TGS1: variants seen among roughly 807,000 people sequenced by gnomAD.
TGS1 encodes trimethylguanosine synthase 1, also known as trimethylguanosine synthase.
In TGS1, 69 loss-of-function variants were observed where a neutral mutation model predicts 92.2. That is an observed-to-expected ratio of 0.75 (90% CI 0.62 to 0.91). The LOEUF is 0.91. Ranked by LOEUF, TGS1 falls within the 40% of genes least tolerant of loss-of-function variation. The pLI, the probability that TGS1 is intolerant of heterozygous loss-of-function variation, is 0.00. For missense variants in TGS1, 1,062 were observed against 1,001.2 expected (o/e 1.06, Z -0.82); for synonymous variants, 345 against 338.1 (o/e 1.02, Z -0.22).
rs1381876198 is a variant in TGS1 at position 55,786,722 on chromosome 8, C to G, written c.824C>G (p.Ser275Cys). 1 of 1,614,098 alleles carries G rather than the reference C, an allele frequency of 6.2e-7. No individual in the cohort carries two copies. The change falls in exon 4 of 13, where the codon TCT becomes TGT. Residue 275 changes from serine (S) to cysteine (C), a missense_variant. Physicochemically the swap from Ser to Cys is moderately radical, Grantham distance 112. Transcript: ENST00000260129. ...SQSCDTDTYT[S>C]KTEADDKNDE... ...AGCTGTGATACAGATACTTACACAT[C>G]TAAAACAGAAGCTGATGACAAGAAC...
Position 55,804,980 on chromosome 8 carries a change from A to G in TGS1, c.2087A>G (p.Asp696Gly), listed in dbSNP as rs753803682. 13 of 1,614,018 alleles carry G rather than the reference A, an allele frequency of 8.1e-6. No homozygotes were observed. Among genetic ancestry groups the G allele is most frequent in the Non-Finnish European group, 1.1e-5 (13 of 1,179,970 alleles). Residue 696 changes from aspartate (D) to glycine (G), a missense_variant, in exon 10 of 13, where the codon GAC becomes GGC. Physicochemically the swap from Asp to Gly is moderately conservative, Grantham distance 94. Coordinates refer to ENST00000260129, the MANE Select transcript of TGS1 (RefSeq NM_024831.8). ...TCCTTCAAGTGTGACGTTGTAGTAG[A>G]CGCATTCTGTGGAGTTGGAGGAAAT... ...SQSFKCDVVV[D>G]AFCGVGGNTI...
chr8:55,806,167 C>A (rs1005743784), intron 10 of TGS1, among the ~76,000 whole-genome samples: 1 of 151,154 alleles, frequency 6.6e-6, no homozygotes, highest in African/African-American at 2.4e-5. Flanking sequence ...ACCAGCCTGA[C>A]CAACATGGAG....
intron 1 of TGS1, among the ~76,000 whole-genome samples, chr8:55,777,580 C>T (rs1811436772): frequency 6.6e-6 from 1 of 151,944 alleles, no homozygotes; most frequent in Non-Finnish European, 1.5e-5. Context: ...CACTCTGTCG[C>T]CCAGGCTGGA....
chr8:55,794,800 A>G (rs1484384371), intron 6 of TGS1, among the ~76,000 whole-genome samples: 2 of 152,220 alleles, frequency 1.3e-5, no homozygotes, highest in Non-Finnish European at 2.9e-5. Context: ...AGCTTACACC[A>G]GTAATCTAAA....
At chr8:55,804,392 G>GATCA (rs1812304591) in intron 9 of TGS1, among the ~76,000 whole-genome samples, 1 of 152,148 alleles carries the variant, frequency 6.6e-6, no homozygotes, top group African/African-American at 2.4e-5. Flanking sequence ...AATGAGCCAA[G>GATCA]ATCATGCCGT....
chr8:55,786,374 C>T lies in TGS1; in HGVS notation c.476C>T (p.Ser159Leu). The change falls in exon 4 of 13, where the codon TCA becomes TTA. Residue 159 changes from serine (S) to leucine (L), a missense_variant. Transcript: ENST00000260129. ...DDILASDDPSSIEQYENTRTY... is the reference protein window; with the variant it reads ...DDILASDDPSLIEQYENTRTY... ...ATTTTGGCTTCAGATGATCCATCTT[C>T]AATTGAACAGTATGAGAACACCAGA... 6.2e-7 allele frequency: 1 copy of T among 1,613,568 alleles called. No individual in the cohort carries two copies.
At chr8:55,816,805 A>T (rs1803490037) in intron 12 of TGS1, among the ~76,000 whole-genome samples, 1 of 152,126 alleles carries the variant, frequency 6.6e-6, no homozygotes, top group Non-Finnish European at 1.5e-5. Flanking sequence ...ATACTTAAAT[A>T]AATGCTAAGT....
In TGS1 at chr8:55,806,373, A is replaced by G. The variant is rs1563464725; in HGVS notation, c.2143+1337A>G. Among the ~76,000 whole-genome samples the G allele has an allele frequency of 2.0e-5, 3 of 146,742 alleles. No homozygotes were observed. In the East Asian group the frequency reaches 5.8e-4, roughly 28 times the overall value. Reference sequence around the variant, plus strand: ...CTCCACCTCAAAAAAAAAAAAAAAAAAAAAGACAAAAGAAAAAAAAAAACC... The same window carrying G: ...CTCCACCTCAAAAAAAAAAAAAAAAGAAAAGACAAAAGAAAAAAAAAAACC... On this transcript the variant is annotated intron_variant, in intron 10 of 12. Transcript: ENST00000260129.
chr8:55,799,127 A>G lies in TGS1; in HGVS notation c.1756A>G (p.Asn586Asp), dbSNP rs756079030. 1.9e-6 allele frequency: 3 copies of G among 1,614,062 alleles called. No individual in the cohort carries two copies. The African/African-American group carries it at 4.0e-5, about 22-fold the overall frequency. ...VSSAGELETE[N>D]YERDSLLATV... ...TTCAGCTGGTGAACTTGAAACAGAA[A>G]ACTATGAAAGAGACAGCTTGCTAGC... Residue 586 changes from asparagine (N) to aspartate (D), a missense_variant, in exon 8 of 13, where the codon AAC becomes GAC. Asn to Asp is a conservative substitution (Grantham distance 23). Transcript: ENST00000260129.
intron 1 of TGS1, among the ~76,000 whole-genome samples, chr8:55,777,712 G>A (rs1811439674): frequency 6.6e-6 from 1 of 151,580 alleles, no homozygotes; most frequent in Admixed American, 6.6e-5. Context: ...GCTAATTTCT[G>A]TATTTTCAGT....
Position 55,824,696 on chromosome 8 carries a change from A to G in TGS1, c.2555A>G (p.Glu852Gly). The G allele has an allele frequency of 6.2e-7, 1 of 1,614,206 alleles. No individual in the cohort carries two copies. The highest frequency in any genetic ancestry group is 8.5e-7 in the Non-Finnish European group (1 of 1,180,024). ...GACCTAATTCGAAGACCAGCCTCTG[A>G]AACCTAACTATGCAGCAGTGCGAGG... Reference protein sequence around the residue: ...FGDLIRRPASET With the variant: ...FGDLIRRPASGT Residue 852 changes from glutamate to glycine, a missense_variant, in exon 13 of 13, where the codon GAA becomes GGA. Physicochemically the swap from Glu to Gly is moderately conservative, Grantham distance 98 (BLOSUM62 -2). Coordinates refer to ENST00000260129, the MANE Select transcript of TGS1 (RefSeq NM_024831.8).
chr8:55,810,648 A>G (rs1803313736), intron 10 of TGS1, among the ~76,000 whole-genome samples: 1 of 152,244 alleles, frequency 6.6e-6, no homozygotes, highest in South Asian at 2.1e-4. Context: ...GTAGAATGAG[A>G]CAAGAAAGCC....
In TGS1 at chr8:55,787,026, A is replaced by T; in HGVS notation, c.1128A>T (p.Ser376=). Residue 376 remains serine, a synonymous_variant, in exon 4 of 13, where the codon TCA becomes TCT. Transcript: ENST00000260129. ...RNGGTNEESN[S]SGNTNTDPPA... is the part of the protein sequence containing the mutation. ...GAGGAACCAATGAGGAAAGCAACTCATCGGGGAATACAAACACAGACCCAC... is the reference window on the plus strand; with the variant it reads ...GAGGAACCAATGAGGAAAGCAACTCTTCGGGGAATACAAACACAGACCCAC... 6.2e-7 allele frequency: 1 copy of T among 1,613,846 alleles called. No individual in the cohort carries two copies.
Position 55,798,906 on chromosome 8 carries a change from A to G in TGS1, c.1543-8A>G, listed in dbSNP as rs1196907476. ...ATTCCTGCTCATGATGTCATCTTAAAATTTAAGGTAGAAAAATTCCTCACA... is the reference window on the plus strand; with the variant it reads ...ATTCCTGCTCATGATGTCATCTTAAGATTTAAGGTAGAAAAATTCCTCACA... On this transcript the variant is annotated splice_polypyrimidine_tract_variant and splice_region_variant and intron_variant, in intron 7 of 12. Coordinates refer to ENST00000260129, the MANE Select transcript of TGS1 (RefSeq NM_024831.8). 6.3e-7 allele frequency: 1 copy of G among 1,585,368 alleles called. No homozygotes were observed. The highest frequency in any genetic ancestry group is 8.6e-7 in the Non-Finnish European group (1 of 1,166,980).
intron 1 of TGS1, among the ~76,000 whole-genome samples, chr8:55,777,304 T>A (rs915249670): frequency 1.5e-5 from 2 of 135,694 alleles, no homozygotes; most frequent in Non-Finnish European, 3.2e-5. Flanking sequence ...TTTTTTTTTT[T>A]AGCCAGAATC....
chr8:55,791,904 C>T (rs552967726), intron 5 of TGS1, among the ~76,000 whole-genome samples: 43 of 152,228 alleles, frequency 2.8e-4, no homozygotes, highest in Non-Finnish European at 5.6e-4. Context: ...AAGAATGGAT[C>T]GTTACTGAAC....
intron 9 of TGS1, among the ~76,000 whole-genome samples, chr8:55,803,130 G>GTGT (rs1563462674): frequency 2.1e-4 from 30 of 143,678 alleles, no homozygotes; most frequent in Admixed American, 9.0e-4. Context: ...AATTTGGGGG[G>GTGT]GTGTGTGTGT....
At chr8:55,783,741 G>C (rs1354944050) in intron 2 of TGS1, among the ~76,000 whole-genome samples, 1 of 152,162 alleles carries the variant, frequency 6.6e-6, no homozygotes, top group African/African-American at 2.4e-5. Flanking sequence ...CAGTGTCATA[G>C]TTACCTTCGG....
chr8:55,773,487 G>C lies in TGS1; in HGVS notation c.-132G>C. On this transcript the variant is annotated 5_prime_UTR_variant, in exon 1 of 13. Coordinates refer to ENST00000260129, the MANE Select transcript of TGS1 (RefSeq NM_024831.8). ...TCCGGGCTAGTTCCCGGCGCGAGCG[G>C]CCGCGGGCCAGTTTCTATCTCCTCA... is the stretch of plus-strand genomic sequence containing the variant. 2 of 616,244 alleles carry C rather than the reference G, an allele frequency of 3.2e-6. No homozygotes were observed. Among genetic ancestry groups the C allele is most frequent in the Non-Finnish European group, 2.7e-6 (1 of 376,820 alleles). The allele number at this position is 616,244 out of a possible 1,614,324, so 38.2% of individuals were successfully genotyped here. A position where few individuals can be genotyped will look rare whatever the true frequency, so the allele number is the denominator to read the frequency against.
Sources: gnomAD v4.1 joint callset for allele counts (sites outside exome capture counted in the v4.1 genomes callset) on GRCh38, gnomAD v4.1.1 for gene constraint, MANE v1.5 for transcripts, NCBI Gene and HGNC (gene_info 2026-07-23, HGNC 2026-07-21) for gene names.